The following PLXNA2 variants were observed in gnomAD, a reference collection of about 807,000 sequenced individuals.
PLXNA2 encodes the protein plexin A2, also known as plexin-A2.
In PLXNA2, 91 loss-of-function variants were observed where a neutral mutation model predicts 193.5. The ratio of observed to expected loss-of-function variants is 0.47; its 90% confidence interval spans 0.40 to 0.56. The LOEUF (loss-of-function observed/expected upper bound fraction) is 0.56. Among genes scored for constraint, PLXNA2 ranks in the 20% least tolerant of loss-of-function variants. PLXNA2 has a pLI of 0.00. For synonymous variants in PLXNA2, 997 were observed against 1,027.3 expected (o/e 0.97, Z 0.56); for missense variants, 1,995 against 2,503.2 (o/e 0.80, Z 4.33).
rs1664754474 is a variant in PLXNA2, at chr1:208,038,654, C to G, written c.4660+171G>C. On this transcript the variant is annotated intron_variant, in intron 25 of 31. Transcript: ENST00000367033. This position sits in a 1 kb window ranked among gnomAD's most constrained non-coding sequence, Gnocchi z 4.1. Reference sequence around the variant, plus strand: ...CAGGCAGCAGAGGAAACACGTAGACCTCCCCAGAGACAGCCACATCTGAAC... The same window carrying G: ...CAGGCAGCAGAGGAAACACGTAGACGTCCCCAGAGACAGCCACATCTGAAC... Among the ~76,000 whole-genome samples, 1 of 152,200 alleles carries G rather than the reference C, an allele frequency of 6.6e-6. No homozygotes were observed. The highest frequency in any genetic ancestry group is 1.5e-5 in the Non-Finnish European group (1 of 68,040).
At chr1:208,240,084 C>G (rs1020227167) in intron 1 of PLXNA2, among the ~76,000 whole-genome samples, 1 of 152,228 alleles carries the variant, frequency 6.6e-6, no homozygotes, top group African/African-American at 2.4e-5. Context: ...TTGCACTGCT[C>G]AGGCCTCAGC....
chr1:208,051,787 C>CTTGTGGAATTT (rs1475305467), intron 15 of PLXNA2, among the ~76,000 whole-genome samples: 2 of 152,198 alleles, frequency 1.3e-5, no homozygotes, highest in Non-Finnish European at 2.9e-5. Context: ...GCAGTGAATG[C>CTTGTGGAATTT]ACAGTCCTTG....
chr1:208,181,268 G>A (rs1669833607), intron 3 of PLXNA2, among the ~76,000 whole-genome samples: 2 of 152,170 alleles, frequency 1.3e-5, no homozygotes, highest in African/African-American at 4.8e-5. Flanking sequence ...AGGCACTGCT[G>A]TCACCTCCTA....
chr1:208,180,443 G>A lies in PLXNA2; in HGVS notation c.1371+29837C>T, dbSNP rs780739676. Among the ~76,000 whole-genome samples the A allele has an allele frequency of 7.0e-4, 107 of 152,246 alleles. 2 individuals carry two copies. Among genetic ancestry groups the A allele is most frequent in the Non-Finnish European group, 8.7e-4 (59 of 68,006 alleles). On this transcript the variant is annotated intron_variant, in intron 3 of 31. Transcript: ENST00000367033. ...AGCCTGAGCTTTGGCTGTGGCAGTG[G>A]CAGTGGCTATGGCTGCCTGGGTATG... is the stretch of plus-strand genomic sequence containing the variant.
intron 1 of PLXNA2, among the ~76,000 whole-genome samples, chr1:208,234,367 G>A (rs1671785730): frequency 6.6e-6 from 1 of 152,142 alleles, no homozygotes; most frequent in Admixed American, 6.5e-5. Flanking sequence ...TATTTAGAAA[G>A]GAAAATCAAG....
At chr1:208,151,856 A>G (rs600396) in intron 3 of PLXNA2, among the ~76,000 whole-genome samples, 125,977 of 151,860 alleles carry the variant, frequency 0.83, 52,757 homozygotes, top group Non-Finnish European at 0.89. Flanking sequence ...TCCAGAGCCT[A>G]CGCTTTCTCT....
intron 12 of PLXNA2, among the ~76,000 whole-genome samples, chr1:208,067,586 T>C (rs974897297): frequency 6.6e-6 from 1 of 152,180 alleles, no homozygotes; most frequent in African/African-American, 2.4e-5. Context: ...TAATCTTTTA[T>C]ATCATATTTT....
At chr1:208,061,359 A>G (rs900779342) in intron 12 of PLXNA2, among the ~76,000 whole-genome samples, 4 of 152,190 alleles carry the variant, frequency 2.6e-5, no homozygotes, top group Non-Finnish European at 4.4e-5. Flanking sequence ...TGGGGGTACA[A>G]TGATGAATAT....
chr1:208,094,216 T>C (rs780378702), intron 8 of PLXNA2, among the ~76,000 whole-genome samples: 10 of 152,326 alleles, frequency 6.6e-5, no homozygotes, highest in South Asian at 6.2e-4. Flanking sequence ...AGGATGGTTA[T>C]TGGGGCTCTA....
At chr1:208,166,754 C>T (rs966135526) in intron 3 of PLXNA2, among the ~76,000 whole-genome samples, 3 of 152,134 alleles carry the variant, frequency 2.0e-5, no homozygotes, top group African/African-American at 7.2e-5. Context: ...ATTAAAGGTG[C>T]CATGTGGAGT....
At chr1:208,071,920 G>A (rs987882367) in intron 12 of PLXNA2, among the ~76,000 whole-genome samples, 33 of 152,188 alleles carry the variant, frequency 2.2e-4, no homozygotes, top group African/African-American at 8.0e-4. Context: ...GTGCAGCCTT[G>A]CAGATAAATA....
rs373951226 is a variant in PLXNA2 at position 208,144,529 on chromosome 1, GA to G, written c.1372-2067del. On this transcript the variant is annotated intron_variant, in intron 3 of 31. Coordinates refer to ENST00000367033, the MANE Select transcript of PLXNA2 (RefSeq NM_025179.4). ...TGGTAGAAACAGCAGATTCTTGCCT[GA>G]GGCCCTTGTGCTATACCCCACGGAT... is the stretch of plus-strand genomic sequence containing the variant. 1.8e-3 allele frequency among the ~76,000 whole-genome samples: 276 copies of G among 152,326 alleles called. 2 individuals carry two copies. In the Middle Eastern group the frequency reaches 0.02, roughly 11 times the overall value.
chr1:208,191,860 G>A (rs563859384), intron 3 of PLXNA2, among the ~76,000 whole-genome samples: 2 of 152,278 alleles, frequency 1.3e-5, no homozygotes, highest in African/African-American at 4.8e-5. Flanking sequence ...AGCTGGGCAC[G>A]GGGCAGGGCG....
At chr1:208,065,819 TC>T (rs908146727) in intron 12 of PLXNA2, among the ~76,000 whole-genome samples, 1 of 152,170 alleles carries the variant, frequency 6.6e-6, no homozygotes, top group African/African-American at 2.4e-5. Context: ...CGAGACATCA[TC>T]CTTTCACCCA....
At chr1:208,089,074 T>A (rs944152154) in intron 9 of PLXNA2, among the ~76,000 whole-genome samples, 1 of 152,246 alleles carries the variant, frequency 6.6e-6, no homozygotes, top group African/African-American at 2.4e-5. Context: ...TATTTTTGAA[T>A]TGCATTCGTT....
Position 208,216,787 on chromosome 1 carries a change from C to T in PLXNA2, c.1136G>A (p.Gly379Asp), listed in dbSNP as rs1352986843. The T allele has an allele frequency of 1.9e-6, 3 of 1,613,966 alleles. No homozygotes were observed. The highest frequency in any genetic ancestry group is 1.7e-6 in the Non-Finnish European group (2 of 1,180,046). Residue 379 changes from glycine to aspartate, a missense_variant, in exon 2 of 32, where the codon GGC becomes GAC. This residue lies in a region of PLXNA2 where 702 missense variants were observed against 812.9 expected (regional missense o/e 0.86). Coordinates refer to ENST00000367033, the MANE Select transcript of PLXNA2 (RefSeq NM_025179.4). ...CAGCAGCCAGTTGAGCTCCAGGTTGCCCTCGCCCTGGTAGCAGGACTGCAG... is the reference window on the plus strand; with the variant it reads ...CAGCAGCCAGTTGAGCTCCAGGTTGTCCTCGCCCTGGTAGCAGGACTGCAG... ...ERLQSCYQGEGNLELNWLLGK... is the reference protein window; with the variant it reads ...ERLQSCYQGEDNLELNWLLGK...
intron 26 of PLXNA2, among the ~76,000 whole-genome samples, chr1:208,035,734 G>T (rs1398963737): frequency 6.6e-6 from 1 of 152,086 alleles, no homozygotes; most frequent in Non-Finnish European, 1.5e-5. Flanking sequence ...TTATAAGTTT[G>T]ATTTATAGCT....
rs1489740663 is a variant in PLXNA2, at chr1:208,038,816, G to T, written c.4660+9C>A. ...CCCTGCCCTCACACTCTGAGTCCAG[G>T]TTTCCTACCCAAGTCCATGTCCACT... On this transcript the variant is annotated intron_variant, in intron 25 of 31. Transcript: ENST00000367033. This position sits in a 1 kb window ranked among gnomAD's most constrained non-coding sequence, Gnocchi z 4.1. The T allele has an allele frequency of 6.2e-7, 1 of 1,612,784 alleles. No homozygotes were observed.
chr1:208,207,301 C>T (rs181377071), intron 3 of PLXNA2, among the ~76,000 whole-genome samples: 17 of 152,350 alleles, frequency 1.1e-4, no homozygotes, highest in East Asian at 3.9e-4. Flanking sequence ...CCACCGTGCC[C>T]GGCCTCACAT....
Sources: allele counts gnomAD v4.1 joint callset (sites outside exome capture counted in the v4.1 genomes callset), GRCh38; gene constraint gnomAD v4.1.1; regional missense constraint gnomAD v4.1.1; non-coding constraint Gnocchi (gnomAD v3.1); transcripts MANE v1.5; gene names NCBI Gene and HGNC (gene_info 2026-07-23, HGNC 2026-07-21).